FBXW11: variants seen among roughly 807,000 people sequenced by gnomAD.
FBXW11 encodes F-box and WD repeat domain containing 11, also known as F-box/WD repeat-containing protein 11.
In FBXW11, 19 loss-of-function variants were observed where a neutral mutation model predicts 77.6. The observed-to-expected ratio is 0.24, with a 90% confidence interval of 0.17 to 0.36. The LOEUF is 0.36. Ranked by LOEUF, FBXW11 falls within the 10% of genes least tolerant of loss-of-function variation. The pLI, the probability that FBXW11 is intolerant of heterozygous loss-of-function variation, is 1.00. For synonymous variants in FBXW11, 235 were observed against 249.4 expected (o/e 0.94, Z 0.54); for missense variants, 334 against 704.2 (o/e 0.47, Z 5.95).
At chr5:171,909,391 T>C (rs1260090092) in intron 4 of FBXW11, among the ~76,000 whole-genome samples, 1 of 152,212 alleles carries the variant, frequency 6.6e-6, no homozygotes, top group Non-Finnish European at 1.5e-5. Flanking sequence ...TGTAGGAGAC[T>C]CTTAAGGCAG....
chr5:171,942,822 A>G (rs1188258949), intron 2 of FBXW11, among the ~76,000 whole-genome samples: 1 of 152,088 alleles, frequency 6.6e-6, no homozygotes, highest in African/African-American at 2.4e-5. Context: ...TAATTAATCA[A>G]TTAAATTTTT....
At chr5:171,981,595 G>A (rs572303741) in intron 1 of FBXW11, among the ~76,000 whole-genome samples, 57 of 152,168 alleles carry the variant, frequency 3.7e-4, no homozygotes, top group Non-Finnish European at 5.0e-4. Flanking sequence ...CTGAAGAATT[G>A]CTTTGGTGTG....
intron 7 of FBXW11, among the ~76,000 whole-genome samples, chr5:171,891,027 A>C (rs1759312604): frequency 1.3e-5 from 2 of 152,244 alleles, no homozygotes; most frequent in African/African-American, 4.8e-5. Context: ...CAAACAGATT[A>C]AACATGGAAA....
chr5:171,937,738 G>C (rs887465680), intron 2 of FBXW11, among the ~76,000 whole-genome samples: 1 of 151,538 alleles, frequency 6.6e-6, no homozygotes. Flanking sequence ...TGAGGTAAGA[G>C]GATCACTTGA....
chr5:171,996,882 T>A, intron 1 of FBXW11: 2 of 1,280,968 alleles, frequency 1.6e-6, no homozygotes, highest in South Asian at 1.2e-5. Context: ...TACAGGGTAA[T>A]TGCTTACCTG....
chr5:171,916,451 C>A (rs183224145), intron 2 of FBXW11: 351 of 985,268 alleles, frequency 3.6e-4, no homozygotes, highest in Non-Finnish European at 4.1e-4. Flanking sequence ...ATGTGAAAAT[C>A]AACCATGAGC....
At chr5:171,995,387 C>T (rs928140023) in intron 1 of FBXW11, among the ~76,000 whole-genome samples, 10 of 152,160 alleles carry the variant, frequency 6.6e-5, no homozygotes, top group Non-Finnish European at 1.2e-4. Flanking sequence ...ACTTGATGAA[C>T]TGACTGAAGA....
intron 6 of FBXW11, 56 bp from the exon 7 acceptor site, chr5:171,891,660 GT>G: frequency 6.4e-7 from 1 of 1,556,234 alleles, no homozygotes; most frequent in Non-Finnish European, 8.7e-7. Context: ...ACTCTATTAG[GT>G]TTCAGACTTT....
At chr5:171,940,486 C>G (rs569885035) in intron 2 of FBXW11, among the ~76,000 whole-genome samples, 2 of 152,054 alleles carry the variant, frequency 1.3e-5, no homozygotes, top group Non-Finnish European at 2.9e-5. Context: ...CAAGGCTCTT[C>G]GGAGAAATGG....
intron 1 of FBXW11, among the ~76,000 whole-genome samples, chr5:171,966,730 A>G (rs757656245): frequency 1.3e-5 from 2 of 152,238 alleles, no homozygotes; most frequent in Non-Finnish European, 2.9e-5. Flanking sequence ...CTGTGGTCCA[A>G]CTAGGAAAGT....
chr5:171,891,656 T>G, intron 6 of FBXW11, 52 bp from the exon 7 acceptor site: 1 of 1,577,498 alleles, frequency 6.3e-7, no homozygotes, highest in East Asian at 2.3e-5. Flanking sequence ...ACTTACTCTA[T>G]TAGGTTTCAG....
intron 2 of FBXW11, among the ~76,000 whole-genome samples, chr5:171,939,499 C>T (rs1762639198): frequency 6.6e-6 from 1 of 151,944 alleles, no homozygotes; most frequent in South Asian, 2.1e-4. Flanking sequence ...GAGTTCAAGA[C>T]CAGCCTGTGC....
chr5:171,984,351 T>G (rs1241643500), intron 1 of FBXW11, among the ~76,000 whole-genome samples: 1 of 152,228 alleles, frequency 6.6e-6, no homozygotes, highest in African/African-American at 2.4e-5. Flanking sequence ...AAATGCTCTT[T>G]TAACCAATCT....
chr5:171,982,425 C>T (rs2113499648), intron 1 of FBXW11, among the ~76,000 whole-genome samples: 1 of 152,218 alleles, frequency 6.6e-6, no homozygotes, highest in African/African-American at 2.4e-5. Flanking sequence ...TACAGGAATG[C>T]ACCACCACCC....
At chr5:171,992,298 T>G (rs1214968566) in intron 1 of FBXW11, among the ~76,000 whole-genome samples, 2 of 149,494 alleles carry the variant, frequency 1.3e-5, no homozygotes. Flanking sequence ...TGGGTTGGCA[T>G]GTGCCTGTAG....
At chr5:171,933,286 T>C (rs1031475467) in intron 2 of FBXW11, among the ~76,000 whole-genome samples, 2 of 152,124 alleles carry the variant, frequency 1.3e-5, no homozygotes, top group African/African-American at 4.8e-5. Context: ...CACCGTGTGA[T>C]CCAACTAGAT....
chr5:171,957,598 T>C lies in FBXW11; in HGVS notation c.146A>G (p.Gln49Arg). ...TACAACAAGAAAGAAGAGAGGCACC[T>C]GGAGACATCTGACACTGGGCATGCT... ...LQSMPSVRCL[Q>R]NTSVMEDQNE... Residue 49 changes from glutamine to arginine, a missense_variant and splice_region_variant, in exon 2 of 14, where the codon CAG becomes CGG. By Grantham distance (43) the Gln-to-Arg change is conservative. Coordinates refer to ENST00000517395, the MANE Select transcript of FBXW11 (RefSeq NM_001378974.1). 5 of 1,613,488 alleles carry C rather than the reference T, an allele frequency of 3.1e-6. No homozygotes were observed. The highest frequency in any genetic ancestry group is 4.2e-6 in the Non-Finnish European group (5 of 1,179,384).
At chr5:171,894,541 C>A (rs968364236) in intron 6 of FBXW11, among the ~76,000 whole-genome samples, 1 of 152,132 alleles carries the variant, frequency 6.6e-6, no homozygotes, top group East Asian at 1.9e-4. Context: ...TGCTTTGCTG[C>A]GCACCAATCC....
At position 171,938,300 on chromosome 5, in the gene FBXW11, G is replaced by A. The variant is rs564465524; in HGVS notation, c.147+19297C>T. ...GCTGGTCTTGAATTCCTGGGCTCAG[G>A]CAATCCCCAGCCTCAGCCTCCCAAA... On this transcript the variant is annotated intron_variant, in intron 2 of 13. Transcript: ENST00000517395. Among the ~76,000 whole-genome samples, 30 of 152,274 alleles carry A rather than the reference G, an allele frequency of 2.0e-4. No individual in the cohort carries two copies. The South Asian group carries it at 6.0e-3, about 31-fold the overall frequency.
Sources: gnomAD v4.1 joint callset for allele counts (sites outside exome capture counted in the v4.1 genomes callset) on GRCh38, gnomAD v4.1.1 for gene constraint, MANE v1.5 for transcripts, NCBI Gene and HGNC (gene_info 2026-07-23, HGNC 2026-07-21) for gene names.